The following ZNF727 variants were observed in gnomAD, a reference collection of about 807,000 sequenced individuals.
ZNF727 encodes the protein zinc finger protein 727, also known as putative zinc finger protein 727.
ZNF727 carries 11 observed loss-of-function variants against 11.5 expected under a neutral mutation model. The observed-to-expected ratio is 0.95, with a 90% CI of 0.60 to 1.58. The LOEUF (loss-of-function observed/expected upper bound fraction) is 1.58. ZNF727 is among the 40% of genes most tolerant of loss of function. The pLI is 0.00. For synonymous variants in ZNF727, 171 were observed against 196.1 expected (o/e 0.87, Z 1.07); for missense variants, 533 against 581.7 (o/e 0.92, Z 0.86).
In ZNF727 at chr7:64,077,780, C is replaced by G. The variant is rs1470740469; in HGVS notation, c.731C>G (p.Thr244Ser). 3.2e-6 allele frequency: 5 copies of G among 1,574,078 alleles called. No individual in the cohort carries two copies. In the East Asian group the frequency reaches 7.1e-5, roughly 22 times the overall value. Residue 244 changes from threonine to serine, a missense_variant, in exon 4 of 4, where the codon ACT becomes AGT. Thr to Ser is a moderately conservative substitution (Grantham distance 58). Coordinates refer to ENST00000456806, the MANE Select transcript of ZNF727 (RefSeq NM_001159522.3). ...GKTFTCSSAL[T>S]KHKRNHTGDR... Reference sequence around the variant, plus strand: ...ACATTTACCTGTTCCTCAGCCCTTACTAAACACAAGAGAAATCATACTGGA... The same window carrying G: ...ACATTTACCTGTTCCTCAGCCCTTAGTAAACACAAGAGAAATCATACTGGA...
chr7:64,065,675 T>C (rs1396248616), intron 1 of ZNF727, among the ~76,000 whole-genome samples: 1 of 152,206 alleles, frequency 6.6e-6, no homozygotes, highest in Non-Finnish European at 1.5e-5. Flanking sequence ...TTCTGAAATA[T>C]CACGTGTGTA....
intron 1 of ZNF727, among the ~76,000 whole-genome samples, chr7:64,055,460 ACT>A (rs972501296): frequency 2.0e-5 from 3 of 152,078 alleles, no homozygotes; most frequent in African/African-American, 4.8e-5. Context: ...GTATATTCAC[ACT>A]GTTTTGCAAC....
At position 64,078,057 on chromosome 7, in the gene ZNF727, A is replaced by C; in HGVS notation, c.1008A>C (p.Gly336=). The C allele has an allele frequency of 6.2e-7, 1 of 1,611,496 alleles. No individual in the cohort carries two copies. The highest frequency in any genetic ancestry group is 8.5e-7 in the Non-Finnish European group (1 of 1,178,790). ...ALSQHNRIHT[G]EKPYICEECG... ...GTCAACATAACAGAATTCATACTGG[A>C]GAGAAACCCTACATTTGTGAAGAAT... Residue 336 remains glycine, a synonymous_variant, in exon 4 of 4, where the codon GGA becomes GGC. Transcript: ENST00000456806.
At chr7:64,062,124 GT>G (rs2116295461) in intron 1 of ZNF727, among the ~76,000 whole-genome samples, 1 of 152,134 alleles carries the variant, frequency 6.6e-6, no homozygotes, top group Admixed American at 6.6e-5. Flanking sequence ...AAATATAAGA[GT>G]TATGGCCTTA....
rs1382800972 is a variant in ZNF727, at chr7:64,077,642, GA to G, written c.595del (p.Ser199ValfsTer167). The G allele has an allele frequency of 3.9e-6, 6 of 1,553,858 alleles. No homozygotes were observed. In the Admixed American group the frequency reaches 5.9e-5, roughly 15 times the overall value. On this transcript the variant is annotated frameshift_variant, in exon 4 of 4. Transcript: ENST00000456806. LOFTEE classifies it low-confidence loss of function (END_TRUNC). ...TIQKRIHTAD[R>X]SYKCEECGKA... is the part of the protein sequence containing the mutation. ...CAGAAGAGAATTCATACTGCAGATA[GA>G]AGTTACAAATGTGAAGAATGTGGCA...
At position 64,047,371 on chromosome 7, in the gene ZNF727, G is replaced by A. The variant is rs183980678; in HGVS notation, c.3+1747G>A. Among the ~76,000 whole-genome samples the A allele has an allele frequency of 2.0e-5, 3 of 152,126 alleles. No homozygotes were observed. In the East Asian group the frequency reaches 5.8e-4, roughly 29 times the overall value. On this transcript the variant is annotated intron_variant, in intron 1 of 3. Transcript: ENST00000456806. ...GCAGTAGGTGGCTCTTTTTAATTTC[G>A]TCTGTTCGTGAACATTTCACATAAC...
intron 1 of ZNF727, among the ~76,000 whole-genome samples, chr7:64,048,394 A>T (rs181012408): frequency 6.6e-6 from 1 of 152,334 alleles, no homozygotes; most frequent in African/African-American, 2.4e-5. Flanking sequence ...GAAAAGACAG[A>T]GGAAATGTCT....
chr7:64,058,910 T>C (rs1789727040), intron 1 of ZNF727, among the ~76,000 whole-genome samples: 1 of 152,114 alleles, frequency 6.6e-6, no homozygotes, highest in African/African-American at 2.4e-5. Flanking sequence ...CTATTGACTT[T>C]CATTATAGAT....
At chr7:64,073,771 A>G (rs1789999937) in intron 3 of ZNF727, among the ~76,000 whole-genome samples, 1 of 152,182 alleles carries the variant, frequency 6.6e-6, no homozygotes, top group African/African-American at 2.4e-5. Context: ...TCTAAGATAA[A>G]GAGACTTTTC....
intron 1 of ZNF727, among the ~76,000 whole-genome samples, chr7:64,048,189 T>TA (rs967739050): frequency 2.0e-4 from 31 of 152,162 alleles, no homozygotes; most frequent in African/African-American, 6.3e-4. Flanking sequence ...CTTGAAAGAT[T>TA]AAAAAAAACC....
At chr7:64,054,764 T>A (rs889493652) in intron 1 of ZNF727, among the ~76,000 whole-genome samples, 2 of 152,216 alleles carry the variant, frequency 1.3e-5, no homozygotes, top group African/African-American at 4.8e-5. Context: ...CTCTGTAGTC[T>A]TAGTGTACAT....
intron 1 of ZNF727, among the ~76,000 whole-genome samples, chr7:64,046,978 GTTTT>G (rs201543485): frequency 6.8e-6 from 1 of 148,044 alleles, no homozygotes; most frequent in Non-Finnish European, 1.5e-5. Flanking sequence ...TAAGTTTTGT[GTTTT>G]TTTTTTTTTT....
At chr7:64,053,000 G>T (rs907159070) in intron 1 of ZNF727, among the ~76,000 whole-genome samples, 1 of 152,146 alleles carries the variant, frequency 6.6e-6, no homozygotes, top group African/African-American at 2.4e-5. Flanking sequence ...TTACAGGCTC[G>T]TAGGCAGAAG....
At chr7:64,057,021 A>G (rs925997655) in intron 1 of ZNF727, among the ~76,000 whole-genome samples, 4 of 152,002 alleles carry the variant, frequency 2.6e-5, no homozygotes, top group Non-Finnish European at 4.4e-5. Flanking sequence ...GTTCTTTTTT[A>G]TTTGAAATCT....
intron 1 of ZNF727, among the ~76,000 whole-genome samples, chr7:64,049,824 A>T (rs1488755483): frequency 6.6e-6 from 1 of 151,500 alleles, no homozygotes; most frequent in African/African-American, 2.4e-5. Flanking sequence ...CAACAATCTA[A>T]GATTATAGTT....
chr7:64,058,189 C>G (rs184818371), intron 1 of ZNF727, among the ~76,000 whole-genome samples: 1 of 152,248 alleles, frequency 6.6e-6, no homozygotes, highest in Non-Finnish European at 1.5e-5. Flanking sequence ...CCAGGTGTCT[C>G]AGAAAAGGGA....
At chr7:64,053,577 C>T (rs1331303488) in intron 1 of ZNF727, among the ~76,000 whole-genome samples, 6 of 152,018 alleles carry the variant, frequency 3.9e-5, no homozygotes, top group African/African-American at 1.4e-4. Flanking sequence ...CCTCAGCCTC[C>T]CAAAGTGCTG....
chr7:64,074,981 C>A (rs75159674), intron 3 of ZNF727, among the ~76,000 whole-genome samples: 2 of 151,834 alleles, frequency 1.3e-5, no homozygotes, highest in Non-Finnish European at 2.9e-5. Context: ...TTGCTGTATA[C>A]CAACTATGCC....
Position 64,045,557 on chromosome 7 carries a change from A to G in ZNF727, c.-65A>G. The stretch of plus-strand genomic sequence containing the variant: ...CGGTGACTCCACCATAGCCCCTGTT[A>G]TCCTGTGACCTGCAGGTACTGGGAG... On this transcript the variant is annotated 5_prime_UTR_variant, in exon 1 of 4. Transcript: ENST00000456806. The G allele has an allele frequency of 1.3e-6, 2 of 1,550,006 alleles. No individual in the cohort carries two copies. Among genetic ancestry groups the G allele is most frequent in the East Asian group, 2.4e-5 (1 of 40,900 alleles).
Sources: allele counts gnomAD v4.1 joint callset (sites outside exome capture counted in the v4.1 genomes callset), GRCh38; gene constraint gnomAD v4.1.1; transcripts MANE v1.5; gene names NCBI Gene and HGNC (gene_info 2026-07-23, HGNC 2026-07-21).